The following CORO2B variants were observed in gnomAD, a reference collection of about 807,000 sequenced individuals.
The protein encoded by CORO2B is coronin 2B, also known as coronin-2B.
Under a neutral mutation model 58.8 loss-of-function variants are expected in CORO2B, and 26 were observed. That is an observed-to-expected ratio of 0.44 (90% confidence interval 0.32 to 0.61). The LOEUF is 0.61. Among genes scored for constraint, CORO2B ranks in the 20% least tolerant of loss-of-function variants. CORO2B has a pLI of 0.04. For synonymous variants in CORO2B, 242 were observed against 253.8 expected (o/e 0.95, Z 0.44); for missense variants, 460 against 645.1 (o/e 0.71, Z 3.11).
chr15:68,694,754 G>A lies in CORO2B; in HGVS notation c.217-386G>A, dbSNP rs374079556. ...TGAGCGTGCGTGAACAAGGCAGATC[G>A]TGGGCCTGTGTGTGTGCCACCAGGG... On this transcript the variant is annotated intron_variant, in intron 2 of 11. Coordinates refer to ENST00000261861, the MANE Select transcript of CORO2B (RefSeq NM_006091.5). Among the ~76,000 whole-genome samples the A allele has an allele frequency of 1.2e-4, 19 of 152,344 alleles. No individual in the cohort carries two copies. In the South Asian group the frequency reaches 3.9e-3, roughly 32 times the overall value.
At chr15:68,521,762 GT>G in the CORO2B span, among the ~76,000 whole-genome samples, 60 of 144,384 alleles carry the variant, frequency 4.2e-4, no homozygotes, top group Middle Eastern at 3.6e-3. Context: ...TTTCTTTTTT[GT>G]TTTTTTTTTT....
the CORO2B span, among the ~76,000 whole-genome samples, chr15:68,534,002 C>A: frequency 2.0e-5 from 3 of 152,170 alleles, no homozygotes; most frequent in Admixed American, 2.0e-4. Flanking sequence ...CCCTGGCTTC[C>A]TAACATAAGC....
At chr15:68,704,073 C>T (rs1892726396) in intron 3 of CORO2B, among the ~76,000 whole-genome samples, 1 of 147,770 alleles carries the variant, frequency 6.8e-6, no homozygotes, top group Non-Finnish European at 1.5e-5. Flanking sequence ...CACACACACA[C>T]ACACACAAAT....
At chr15:68,637,055 G>A (rs1302740331) in intron 1 of CORO2B, among the ~76,000 whole-genome samples, 2 of 152,214 alleles carry the variant, frequency 1.3e-5, no homozygotes, top group East Asian at 1.9e-4. Flanking sequence ...ACTCTAAGGT[G>A]CACAGGCAAG....
At chr15:68,679,611 C>T (rs1902706264) in intron 2 of CORO2B, among the ~76,000 whole-genome samples, 1 of 152,168 alleles carries the variant, frequency 6.6e-6, no homozygotes, top group African/African-American at 2.4e-5. Context: ...TATTTATTGG[C>T]TCATGTGGAA....
chr15:68,634,451 G>T (rs1900964138), intron 1 of CORO2B, among the ~76,000 whole-genome samples: 1 of 152,188 alleles, frequency 6.6e-6, no homozygotes, highest in African/African-American at 2.4e-5. Context: ...TATTTCACTG[G>T]ATCCTCATAA....
chr15:68,585,317 C>G (rs1899523792), intron 1 of CORO2B, among the ~76,000 whole-genome samples: 1 of 152,196 alleles, frequency 6.6e-6, no homozygotes, highest in Admixed American at 6.5e-5. Flanking sequence ...TGAGCCAGAA[C>G]CTTTTCAATC....
chr15:68,721,697 A>G (rs1893164582), intron 11 of CORO2B, among the ~76,000 whole-genome samples: 1 of 152,068 alleles, frequency 6.6e-6, no homozygotes, highest in Non-Finnish European at 1.5e-5. Context: ...TTCTATTAAT[A>G]TAGATATATA....
the CORO2B span, among the ~76,000 whole-genome samples, chr15:68,520,047 T>C: frequency 6.6e-6 from 1 of 152,266 alleles, no homozygotes; most frequent in African/African-American, 2.4e-5. Flanking sequence ...ATATGAAGCA[T>C]GATGCTTTAT....
chr15:68,691,147 G>C (rs936516984), intron 2 of CORO2B, among the ~76,000 whole-genome samples: 14 of 150,690 alleles, frequency 9.3e-5, no homozygotes, highest in African/African-American at 3.2e-4. Context: ...GGCTAACACG[G>C]TGAAACCCCG....
intron 2 of CORO2B, among the ~76,000 whole-genome samples, chr15:68,646,165 C>T (rs1039857228): frequency 1.3e-5 from 2 of 152,100 alleles, no homozygotes; most frequent in Admixed American, 6.5e-5. Context: ...AGATTTTCCC[C>T]TTTCTGCAGC....
At chr15:68,597,280 A>G (rs1045132625) in intron 1 of CORO2B, among the ~76,000 whole-genome samples, 4 of 152,138 alleles carry the variant, frequency 2.6e-5, no homozygotes, top group Non-Finnish European at 5.9e-5. Flanking sequence ...GTGGGATTTT[A>G]ATTCACCAGC....
chr15:68,643,951 C>A lies in CORO2B; in HGVS notation c.16-1209C>A, dbSNP rs1901339049. Among the ~76,000 whole-genome samples, 2 of 152,024 alleles carry A rather than the reference C, an allele frequency of 1.3e-5. 1 individual carries two copies. The highest frequency in any genetic ancestry group is 4.1e-4 in the South Asian group (2 of 4,820). ...ACTCAGGAGGCTGAGGTGGGAGAAT[C>A]ACTTGAACCTGGGAGACGGAGGTTC... On this transcript the variant is annotated intron_variant, in intron 1 of 11. Coordinates refer to ENST00000261861, the MANE Select transcript of CORO2B (RefSeq NM_006091.5).
the CORO2B span, among the ~76,000 whole-genome samples, chr15:68,522,874 T>C: frequency 5.8e-3 from 883 of 152,332 alleles, 10 homozygotes; most frequent in African/African-American, 0.02. Context: ...CTCTTGGTCT[T>C]GTAACTTGGA....
At chr15:68,565,980 C>T in the CORO2B span, among the ~76,000 whole-genome samples, 6 of 152,194 alleles carry the variant, frequency 3.9e-5, no homozygotes, top group East Asian at 1.2e-3. Flanking sequence ...CTAACGAATT[C>T]CCGCAGCCCC....
At chr15:68,677,859 C>T (rs1351967345) in intron 2 of CORO2B, among the ~76,000 whole-genome samples, 1 of 152,212 alleles carries the variant, frequency 6.6e-6, no homozygotes, top group African/African-American at 2.4e-5. Flanking sequence ...GTCCCCTCTA[C>T]TGTGTCAAGA....
intron 1 of CORO2B, among the ~76,000 whole-genome samples, chr15:68,640,363 A>G (rs568638560): frequency 6.6e-6 from 1 of 152,338 alleles, no homozygotes; most frequent in African/African-American, 2.4e-5. Flanking sequence ...ACCTGAATCA[A>G]ATCAAGGCCT....
At chr15:68,637,466 C>T (rs1192108206) in intron 1 of CORO2B, among the ~76,000 whole-genome samples, 2 of 152,188 alleles carry the variant, frequency 1.3e-5, no homozygotes, top group Non-Finnish European at 2.9e-5. Context: ...CGGTGTCTTT[C>T]CTTCATGACA....
chr15:68,584,107 A>G (rs71402214), intron 1 of CORO2B, among the ~76,000 whole-genome samples: 20,658 of 152,288 alleles, frequency 0.14, 1,677 homozygotes, highest in Middle Eastern at 0.29. Context: ...CCAGGACCTT[A>G]GAGGAGAAGG....
Sources: allele counts gnomAD v4.1 joint callset (sites outside exome capture counted in the v4.1 genomes callset), GRCh38; gene constraint gnomAD v4.1.1; transcripts MANE v1.5; gene names NCBI Gene and HGNC (gene_info 2026-07-23, HGNC 2026-07-21).